Variants in DNAH17 observed in about 807,000 individuals in gnomAD.
DNAH17 encodes the protein dynein axonemal heavy chain 17, also known as axonemal beta dynein heavy chain 17.
In DNAH17, 376 loss-of-function variants were observed where a neutral mutation model predicts 485.6. The observed-to-expected ratio is 0.77, with a 90% confidence interval of 0.71 to 0.84. The LOEUF is 0.84. DNAH17 is among the 40% of genes least tolerant of loss of function. DNAH17 has a pLI of 0.00. For missense variants in DNAH17, 6,370 were observed against 5,839.3 expected, an observed-to-expected ratio of 1.09 and a Z score of -2.96; for synonymous variants, 3,031 against 2,405.9, an observed-to-expected ratio of 1.26 and a Z score of -7.60.
intron 16 of DNAH17, among the ~76,000 whole-genome samples, chr17:78,549,148 C>T (rs1426570051): frequency 6.6e-6 from 1 of 152,216 alleles, no homozygotes; most frequent in Non-Finnish European, 1.5e-5. Context: ...CGAGTCCTAG[C>T]TCCTGTGTGG....
rs371772804 is a variant in DNAH17, at chr17:78,502,844, T to G, written c.5082+42A>C. The G allele has an allele frequency of 3.7e-4, 591 of 1,603,954 alleles. 3 individuals carry two copies. The highest frequency in any genetic ancestry group is 3.8e-4 in the Non-Finnish European group (445 of 1,175,222). ...TGAACGCAAAGAAACTCGCCCCTTA[T>G]CTCAGCCACGAGGCGCCGCCGAGCC... On this transcript the variant is annotated intron_variant, in intron 32 of 80. Coordinates refer to ENST00000389840, the MANE Select transcript of DNAH17 (RefSeq NM_173628.4).
At chr17:78,444,262 G>T (rs376549928) in intron 71 of DNAH17, among the ~76,000 whole-genome samples, 1 of 152,112 alleles carries the variant, frequency 6.6e-6, no homozygotes, top group East Asian at 1.9e-4. Context: ...AGGCTCATGT[G>T]GGGAGTCTTT....
chr17:78,539,644 A>G, intron 18 of DNAH17, 93 bp downstream of exon 18: 7 of 1,118,818 alleles, frequency 6.3e-6, no homozygotes, highest in Non-Finnish European at 8.6e-6. Context: ...TATTTATAAA[A>G]TGATAGCCTG....
At chr17:78,454,737 G>T (rs746794531) in intron 63 of DNAH17, 32 bp from the exon 64 acceptor site, 2 of 1,563,598 alleles carry the variant, frequency 1.3e-6, no homozygotes, top group Admixed American at 1.7e-5. Context: ...CTTAGAGGGG[G>T]TAATGCGACC....
chr17:78,494,229 C>G, intron 40 of DNAH17, 56 bp from the exon 41 acceptor site: 1 of 1,570,872 alleles, frequency 6.4e-7, no homozygotes, highest in Non-Finnish European at 8.6e-7. Context: ...TCTTTCTTCT[C>G]GCTGGGAGGC....
intron 37 of DNAH17, among the ~76,000 whole-genome samples, chr17:78,496,366 GA>G (rs35394897): frequency 0.68 from 101,337 of 148,638 alleles, 34,636 homozygotes; most frequent in South Asian, 0.81. Flanking sequence ...TTGGGGGGAA[GA>G]AAAAAAAATA....
intron 13 of DNAH17, among the ~76,000 whole-genome samples, chr17:78,559,801 T>TCCC (rs1004678299): frequency 2.0e-4 from 30 of 151,774 alleles, no homozygotes; most frequent in African/African-American, 6.8e-4. Context: ...CCTACGACCT[T>TCCC]CCCCTTTGCC....
In DNAH17 at chr17:78,485,037, G is replaced by GAGAGGGC; in HGVS notation, c.7484-11_7484-5dup. On this transcript the variant is annotated splice_polypyrimidine_tract_variant and splice_region_variant and intron_variant, in intron 47 of 80. Transcript: ENST00000389840. ...TCCAGCGGCTTCTCCAGCACCCCTAGAGAGGGCAGAGGGTCAGCTGCCCGC... is the reference window on the plus strand; with the variant it reads ...TCCAGCGGCTTCTCCAGCACCCCTAGAGAGGGCAGAGGGCAGAGGGTCAGCTGCCCGC... 1 of 1,603,624 alleles carries GAGAGGGC rather than the reference G, an allele frequency of 6.2e-7. No individual in the cohort carries two copies. Among genetic ancestry groups the GAGAGGGC allele is most frequent in the Non-Finnish European group, 8.5e-7 (1 of 1,174,888 alleles).
chr17:78,561,456 G>A (rs1383588956), intron 12 of DNAH17, among the ~76,000 whole-genome samples: 4 of 152,088 alleles, frequency 2.6e-5, no homozygotes, highest in Non-Finnish European at 5.9e-5. Flanking sequence ...GCCTCTTCCT[G>A]TTCCTGCCTG....
chr17:78,434,242 C>A lies in DNAH17; in HGVS notation c.12034-22G>T. 3.1e-6 allele frequency: 5 copies of A among 1,590,746 alleles called. No individual in the cohort carries two copies. The South Asian group carries it at 5.6e-5, about 18-fold the overall frequency. On this transcript the variant is annotated intron_variant, in intron 74 of 80. Transcript: ENST00000389840. Reference sequence around the variant, plus strand: ...TGTCCTGTGGGGCACACGCTCCGGTCAGGTATTAGGGAGAGGGAGAAGTTT... The same window carrying A: ...TGTCCTGTGGGGCACACGCTCCGGTAAGGTATTAGGGAGAGGGAGAAGTTT...
chr17:78,542,117 G>C (rs74256142), intron 17 of DNAH17, among the ~76,000 whole-genome samples: 131 of 18,158 alleles, frequency 7.2e-3, no homozygotes, highest in African/African-American at 0.018. Context: ...ACTGGAAACC[G>C]CCCCCCCCAA....
At position 78,487,896 on chromosome 17, in the gene DNAH17, A is replaced by G. The variant is rs76277579; in HGVS notation, c.6819-1390T>C. Among the ~76,000 whole-genome samples, 640 of 152,272 alleles carry G rather than the reference A, an allele frequency of 4.2e-3. 7 individuals are homozygous for G. The highest frequency in any genetic ancestry group is 0.015 in the African/African-American group (610 of 41,562). On this transcript the variant is annotated intron_variant, in intron 44 of 80. Transcript: ENST00000389840. ...TCCTGAACCTCTATCACAAGAGAGA[A>G]TTAAGAGCTGAACGTCTTTGCCGCA... is the stretch of plus-strand genomic sequence containing the variant.
At chr17:78,456,789 G>A (rs1477721289) in intron 62 of DNAH17, among the ~76,000 whole-genome samples, 2 of 152,196 alleles carry the variant, frequency 1.3e-5, no homozygotes, top group Non-Finnish European at 2.9e-5. Flanking sequence ...TGGCAGGTGA[G>A]GTTAAATCCC....
chr17:78,486,941 C>T (rs1029512675), intron 44 of DNAH17, among the ~76,000 whole-genome samples: 1 of 149,948 alleles, frequency 6.7e-6, no homozygotes, highest in Non-Finnish European at 1.5e-5. Context: ...TTCATTACAT[C>T]ATCTGGACTC....
At chr17:78,460,615 C>A (rs2088071311) in intron 58 of DNAH17, among the ~76,000 whole-genome samples, 1 of 152,204 alleles carries the variant, frequency 6.6e-6, no homozygotes, top group South Asian at 2.1e-4. Flanking sequence ...ACCTTCCTCC[C>A]TGACGCCTCT....
Position 78,507,655 on chromosome 17 carries a change from T to C in DNAH17, c.4387A>G (p.Lys1463Glu). The change falls in exon 28 of 81, where the codon AAG (lysine) becomes GAG (glutamate). Residue 1463 changes from lysine to glutamate, a missense_variant. Physicochemically the swap from Lys to Glu is moderately conservative, Grantham distance 56. Coordinates refer to ENST00000389840, the MANE Select transcript of DNAH17 (RefSeq NM_173628.4). Reference protein sequence around the residue: ...QVQLQNLMMSKYLAHFLKEVT... With the variant: ...QVQLQNLMMSEYLAHFLKEVT... ...TCCTTCAGGAAGTGGGCCAGGTACT[T>C]GGACATCATCAGGTTCTGCAGCTGC... is the stretch of plus-strand genomic sequence containing the variant. 1 of 1,613,908 alleles carries C rather than the reference T, an allele frequency of 6.2e-7. No homozygotes were observed. Among genetic ancestry groups the C allele is most frequent in the Middle Eastern group, 1.6e-4 (1 of 6,062 alleles).
intron 42 of DNAH17, among the ~76,000 whole-genome samples, chr17:78,491,922 C>A (rs1192103063): frequency 6.6e-6 from 1 of 152,210 alleles, no homozygotes; most frequent in African/African-American, 2.4e-5. Context: ...ACACGCTCAG[C>A]AGAAGTCTGC....
chr17:78,526,868 C>G lies in DNAH17; in HGVS notation c.3624+12G>C, dbSNP rs933048028. ...CCCCGGAAATCCCGCCACCCTGCCCCAGGTATAATACCTCGAATTGCTGGC... is the reference window on the plus strand; with the variant it reads ...CCCCGGAAATCCCGCCACCCTGCCCGAGGTATAATACCTCGAATTGCTGGC... On this transcript the variant is annotated intron_variant, in intron 23 of 80. Coordinates refer to ENST00000389840, the MANE Select transcript of DNAH17 (RefSeq NM_173628.4). 11 of 1,565,026 alleles carry G rather than the reference C, an allele frequency of 7.0e-6. No homozygotes were observed. The highest frequency in any genetic ancestry group is 9.5e-6 in the Non-Finnish European group (11 of 1,153,682).
chr17:78,507,144 A>T lies in DNAH17; in HGVS notation c.4676+134T>A, dbSNP rs931694078. On this transcript the variant is annotated intron_variant, in intron 29 of 80. Transcript: ENST00000389840. ...GAGTGTGTGCTCCCCAGGGAAAGGCAATTGATTAACCCAGGACCCATGGTT... is the reference window on the plus strand; with the variant it reads ...GAGTGTGTGCTCCCCAGGGAAAGGCTATTGATTAACCCAGGACCCATGGTT... 12 of 1,029,648 alleles carry T rather than the reference A, an allele frequency of 1.2e-5. 1 individual carries two copies. Among genetic ancestry groups the T allele is most frequent in the Non-Finnish European group, 1.5e-5 (11 of 719,248 alleles). 63.8% of individuals were successfully genotyped at this position (1,029,648 alleles called of 1,614,324 possible). A position where few individuals can be genotyped will look rare whatever the true frequency, so the allele number is the denominator to read the frequency against.
Sources: allele counts gnomAD v4.1 joint callset (sites outside exome capture counted in the v4.1 genomes callset), GRCh38; gene constraint gnomAD v4.1.1; transcripts MANE v1.5; gene names NCBI Gene and HGNC (gene_info 2026-07-23, HGNC 2026-07-21).